DGKA: variants seen among roughly 807,000 people sequenced by gnomAD.
DGKA encodes the protein diacylglycerol kinase alpha, also known as 80 kDa diacylglycerol kinase.
In DGKA, 35 loss-of-function variants were observed where a neutral mutation model predicts 105.0. The ratio of observed to expected loss-of-function variants is 0.33; its 90% CI spans 0.25 to 0.44. The LOEUF (loss-of-function observed/expected upper bound fraction) is 0.44, where lower values mean the gene tolerates loss of function less well. DGKA is among the 20% of genes least tolerant of loss of function. The pLI is 1.00. For synonymous variants in DGKA, 296 were observed against 332.0 expected (o/e 0.89, Z 1.18); for missense variants, 665 against 915.0 (o/e 0.73, Z 3.53).
intron 17 of DGKA, among the ~76,000 whole-genome samples, chr12:55,949,069 C>T (rs1221192383): frequency 6.6e-6 from 1 of 152,048 alleles, no homozygotes; most frequent in Non-Finnish European, 1.5e-5. Flanking sequence ...AGTACGTTGT[C>T]ACCGTAAAGA....
At chr12:55,938,138 A>C in intron 5 of DGKA, 86 bp downstream of exon 5, 1 of 1,273,752 alleles carries the variant, frequency 7.9e-7, no homozygotes, top group East Asian at 2.4e-5. Flanking sequence ...TTCCTTCAGG[A>C]TTCCTAAAGG....
intron 23 of DGKA, 93 bp from the exon 24 acceptor site, chr12:55,953,592 C>CACCCCAA (rs1218009862): frequency 7.0e-7 from 1 of 1,435,172 alleles, no homozygotes; most frequent in Non-Finnish European, 9.7e-7. Context: ...CCTAGCAACC[C>CACCCCAA]ACCCCAAACC....
intron 1 of DGKA, chr12:55,935,989 G>GGAACTGCC (rs1205149209): frequency 1.0e-6 from 1 of 989,192 alleles, no homozygotes; most frequent in African/African-American, 1.8e-5. Context: ...CGGAACTGCC[G>GGAACTGCC]GAACTGCCGA....
chr12:55,942,848 AGCTCTAAGATCTT>A (rs1592709020), intron 17 of DGKA, among the ~76,000 whole-genome samples: 1 of 152,164 alleles, frequency 6.6e-6, no homozygotes, highest in Non-Finnish European at 1.5e-5. Context: ...TTCAGGGTCC[AGCTCTAAGATCTT>A]GCTGGAGATC....
Position 55,940,372 on chromosome 12 carries a change from AG to A in DGKA, c.858del (p.Lys288ArgfsTer8). ...GAGTCCGGGCGCTGCGACCGCTGTC[AG>A]AAAAAGATCCGGATCTACCACAGTC... ...GCESGRCDRC[Q>X]KKIRIYHSLT... On this transcript the variant is annotated frameshift_variant, in exon 11 of 24. Coordinates refer to ENST00000331886, the MANE Select transcript of DGKA (RefSeq NM_001345.5). LOFTEE classifies it high-confidence loss of function. This position sits in a 1 kb window ranked among gnomAD's most constrained non-coding sequence, Gnocchi z 4.3. 1 of 1,614,252 alleles carries A rather than the reference AG, an allele frequency of 6.2e-7. No individual in the cohort carries two copies. Among genetic ancestry groups the A allele is most frequent in the Non-Finnish European group, 8.5e-7 (1 of 1,180,032 alleles).
upstream of DGKA, among the ~76,000 whole-genome samples, chr12:55,928,709 A>G (rs71459323): frequency 3.4e-5 from 5 of 145,900 alleles, no homozygotes; most frequent in African/African-American, 7.5e-5. Context: ...AAAAAAAACT[A>G]AAAAACTGAG....
rs772554275 is a variant in DGKA at position 55,940,246 on chromosome 12, C to G, written c.799-68C>G. The G allele has an allele frequency of 1.2e-6, 2 of 1,614,036 alleles. No homozygotes were observed. Among genetic ancestry groups the G allele is most frequent in the African/African-American group, 2.7e-5 (2 of 74,946 alleles). On this transcript the variant is annotated intron_variant, in intron 10 of 23. Transcript: ENST00000331886. The surrounding 1 kb of genome is among the most constrained non-coding windows in gnomAD (Gnocchi z 4.3). Reference sequence around the variant, plus strand: ...GCCCTGGCCCTTGGCCCATTGCTGCCCTCAGCCCCTCCCTCCCCTAGGTCC... The same window carrying G: ...GCCCTGGCCCTTGGCCCATTGCTGCGCTCAGCCCCTCCCTCCCCTAGGTCC...
chr12:55,938,681 C>T, intron 6 of DGKA, 121 bp downstream of exon 6: 1 of 1,597,346 alleles, frequency 6.3e-7, no homozygotes, highest in African/African-American at 1.3e-5. Flanking sequence ...GTTGAGTCCT[C>T]TAGGACTAAA....
At chr12:55,927,900 C>T (rs1883227027), upstream of DGKA, 1 of 1,154,162 alleles carries the variant, frequency 8.7e-7, no homozygotes, top group Non-Finnish European at 1.2e-6. Context: ...TGAGTGCCTC[C>T]TCGGGCTGGG....
chr12:55,938,385 C>A, intron 5 of DGKA, 126 bp from the exon 6 acceptor site: 1 of 1,204,780 alleles, frequency 8.3e-7, no homozygotes, highest in Non-Finnish European at 1.2e-6. Flanking sequence ...CTCTCAGTCC[C>A]ATCCCAGGCT....
chr12:55,927,555 A>G, upstream of DGKA: 1 of 849,380 alleles, frequency 1.2e-6, no homozygotes, highest in Non-Finnish European at 1.8e-6. Context: ...GACAAACTCC[A>G]GGAACGCACT....
intron 17 of DGKA, among the ~76,000 whole-genome samples, chr12:55,948,575 A>C (rs555109763): frequency 6.9e-4 from 105 of 151,862 alleles, no homozygotes; most frequent in Admixed American, 2.8e-3. Flanking sequence ...GAAAAATAAA[A>C]TAATTAACCA....
Position 55,952,552 on chromosome 12 carries a change from C to A in DGKA, c.1743+121C>A. The A allele has an allele frequency of 2.5e-6, 3 of 1,203,180 alleles. No individual in the cohort carries two copies. Among genetic ancestry groups the A allele is most frequent in the South Asian group, 2.6e-5 (2 of 77,078 alleles). 74.5% of individuals were successfully genotyped at this position (1,203,180 alleles called of 1,614,324 possible). A position where few individuals can be genotyped will look rare whatever the true frequency, so the allele number is the denominator to read the frequency against. On this transcript the variant is annotated intron_variant, in intron 20 of 23. Transcript: ENST00000331886. The surrounding 1 kb of genome is among the most constrained non-coding windows in gnomAD (Gnocchi z 5.1). ...AACCTATGCTTCTTTAACCTCCCAG[C>A]TCTCCTACCCCAATTCTCCAAGTCC... is the stretch of plus-strand genomic sequence containing the variant.
upstream of DGKA, chr12:55,928,034 A>C: frequency 4.0e-6 from 2 of 501,624 alleles, no homozygotes; most frequent in Non-Finnish European, 7.1e-6. Flanking sequence ...CCGTAGTGTC[A>C]CTCCATTTGT....
chr12:55,936,656 C>T (rs1884778035), intron 2 of DGKA, 89 bp downstream of exon 2: 1 of 1,570,078 alleles, frequency 6.4e-7, no homozygotes, highest in South Asian at 1.1e-5. Flanking sequence ...CCCCCAGCTT[C>T]CTCAGTGGCT....
intron 3 of DGKA, 76 bp from the exon 4 acceptor site, chr12:55,937,332 T>C: frequency 6.5e-7 from 1 of 1,529,462 alleles, no homozygotes. Flanking sequence ...ATTATCCCTG[T>C]CCCCGCTACT....
rs764667220 is a variant in DGKA, at chr12:55,952,346, A to G, written c.1658A>G (p.Lys553Arg). 1 of 1,614,150 alleles carries G rather than the reference A, an allele frequency of 6.2e-7. No individual in the cohort carries two copies. The highest frequency in any genetic ancestry group is 8.5e-7 in the Non-Finnish European group (1 of 1,180,000). The change falls in exon 20 of 24, where the codon AAG (lysine) becomes AGG (arginine). Residue 553 changes from lysine to arginine, a missense_variant. Physicochemically the swap from Lys to Arg is conservative, Grantham distance 26. Transcript: ENST00000331886. This position sits in a 1 kb window ranked among gnomAD's most constrained non-coding sequence, Gnocchi z 5.1. Reference sequence around the variant, plus strand: ...TTGTGTTGGGGCTGACACAGAATGAAGAACAAGCTATGGTACTTCGAATTT... The same window carrying G: ...TTGTGTTGGGGCTGACACAGAATGAGGAACAAGCTATGGTACTTCGAATTT... ...KYPEKFNSRMKNKLWYFEFAT... is the reference protein window; with the variant it reads ...KYPEKFNSRMRNKLWYFEFAT...
At chr12:55,927,857 C>T (rs1251848290), upstream of DGKA, 2 of 1,463,766 alleles carry the variant, frequency 1.4e-6, no homozygotes, top group South Asian at 1.3e-5. Flanking sequence ...GTGATGAGGG[C>T]CCTAGTTGCT....
In DGKA at chr12:55,940,169, G is replaced by C; in HGVS notation, c.797G>C (p.Gly266Ala). ...TATGCCAAGTCTCGGAAGGACATTG[G>C]TGTGAGTGATCTCATGCCTCCACCC... ...STYAKSRKDI[G>A]VQSHVWVRGG... The change falls in exon 10 of 24, where the codon GGT becomes GCT. Residue 266 changes from glycine to alanine, a missense_variant and splice_region_variant. By Grantham distance (60) the Gly-to-Ala change is moderately conservative (BLOSUM62 0). This residue lies in a region of DGKA where 504 missense variants were observed against 681.2 expected (regional missense o/e 0.74). Coordinates refer to ENST00000331886, the MANE Select transcript of DGKA (RefSeq NM_001345.5). The surrounding 1 kb of genome is among the most constrained non-coding windows in gnomAD (Gnocchi z 4.3). The C allele has an allele frequency of 6.2e-7, 1 of 1,614,198 alleles. No individual in the cohort carries two copies. Among genetic ancestry groups the C allele is most frequent in the Non-Finnish European group, 8.5e-7 (1 of 1,180,022 alleles).
Sources: allele counts gnomAD v4.1 joint callset (sites outside exome capture counted in the v4.1 genomes callset), GRCh38; gene constraint gnomAD v4.1.1; regional missense constraint gnomAD v4.1.1; non-coding constraint Gnocchi (gnomAD v3.1); transcripts MANE v1.5; gene names NCBI Gene and HGNC (gene_info 2026-07-23, HGNC 2026-07-21).